TDRKH: variants seen among roughly 807,000 people sequenced by gnomAD.
TDRKH encodes tudor and KH domain-containing protein.
In TDRKH, 28 loss-of-function variants were observed where a neutral mutation model predicts 61.3. The observed-to-expected ratio is 0.46, with a 90% CI of 0.34 to 0.63. TDRKH has a LOEUF of 0.63. Among genes scored for constraint, TDRKH ranks in the 20% least tolerant of loss-of-function variants. TDRKH has a pLI of 0.01. For synonymous variants in TDRKH, 219 were observed against 244.4 expected (o/e 0.90, Z 0.97); for missense variants, 540 against 683.4 (o/e 0.79, Z 2.34).
downstream of TDRKH, chr1:151,766,824 T>G: frequency 1.2e-6 from 2 of 1,610,448 alleles, no homozygotes; most frequent in South Asian, 2.2e-5. Context: ...ATACGCCTAT[T>G]ACCTTTACTG....
At chr1:151,767,392 CAG>C (rs569095315), downstream of TDRKH, 1,526 of 1,539,862 alleles carry the variant, frequency 9.9e-4, 20 homozygotes, top group African/African-American at 0.015. Context: ...AGATGAATTA[CAG>C]AGGTAGATGG....
chr1:151,780,952 A>G (rs116798874), intron 3 of TDRKH, among the ~76,000 whole-genome samples: 4,158 of 152,032 alleles, frequency 0.027, 88 homozygotes, highest in Non-Finnish European at 0.041. Context: ...AGGGAGAAGT[A>G]CTCTTCTCTA....
At chr1:151,772,023 C>T, downstream of TDRKH, 1 of 398,578 alleles carries the variant, frequency 2.5e-6, no homozygotes. Flanking sequence ...CTTAAAGATT[C>T]CTCCAAGAGT....
chr1:151,772,675 C>A (rs1454791548), downstream of TDRKH, among the ~76,000 whole-genome samples: 1 of 152,154 alleles, frequency 6.6e-6, no homozygotes, highest in African/African-American at 2.4e-5. Context: ...ACAGTACTGT[C>A]AGAAAGATGC....
intron 6 of TDRKH, among the ~76,000 whole-genome samples, chr1:151,777,630 T>C (rs554185375): frequency 7.9e-5 from 12 of 152,224 alleles, no homozygotes; most frequent in African/African-American, 2.6e-4. Flanking sequence ...TCTGTGATGA[T>C]AGACATAAGT....
chr1:151,770,250 C>T (rs148149745), downstream of TDRKH: 61 of 1,613,294 alleles, frequency 3.8e-5, no homozygotes, highest in Admixed American at 1.8e-4. Flanking sequence ...ATGATCGGAA[C>T]GACAGAGGTG....
At chr1:151,785,581 A>G (rs1427648877) in intron 1 of TDRKH, among the ~76,000 whole-genome samples, 1 of 152,220 alleles carries the variant, frequency 6.6e-6, no homozygotes. Flanking sequence ...TTACAGTCAT[A>G]TAACCCTGTA....
rs1004044090 is a variant in TDRKH at position 151,775,629 on chromosome 1, A to G, written c.1283-86T>C. ...TTGGAACTACCCTTTTCTACTCAGGAAGGCACCTGTGTCTTCTCTGGTTGG... is the reference window on the plus strand; with the variant it reads ...TTGGAACTACCCTTTTCTACTCAGGGAGGCACCTGTGTCTTCTCTGGTTGG... On this transcript the variant is annotated intron_variant, in intron 9 of 12. Transcript: ENST00000368824. 12 of 1,534,690 alleles carry G rather than the reference A, an allele frequency of 7.8e-6. No homozygotes were observed. In the Admixed American group the frequency reaches 2.4e-4, roughly 31 times the overall value.
At chr1:151,776,662 AAC>A in intron 6 of TDRKH, 63 bp from the exon 7 acceptor site, 1 of 1,581,128 alleles carries the variant, frequency 6.3e-7, no homozygotes, top group African/African-American at 1.3e-5. Context: ...TGAAGAGACT[AAC>A]CAGGGTAGTG....
chr1:151,771,331 T>G, downstream of TDRKH: 10 of 1,516,972 alleles, frequency 6.6e-6, no homozygotes, highest in Non-Finnish European at 8.8e-6. Context: ...AGTGCAATCA[T>G]CAAGTGTTCA....
rs1302214458 is a variant in TDRKH, at chr1:151,780,083, G to A, written c.289C>T (p.Arg97Ter). ...GGAAAACCACTGATAAGCAGCACTC[G>A]CTCATCGCCTACATCCTCTGTGTCC... is the stretch of plus-strand genomic sequence containing the variant. Reference protein sequence around the residue: ...DVDTEDVGDERVLLISGFPVQ... With the variant: ...DVDTEDVGDE The change falls in exon 4 of 13, where the codon CGA (arginine) becomes TGA (stop). Residue 97 changes from arginine to a stop codon, truncating the protein, a stop_gained. Coordinates refer to ENST00000368824, the MANE Select transcript of TDRKH (RefSeq NM_001083965.2). LOFTEE classifies it high-confidence loss of function. 3.1e-6 allele frequency: 5 copies of A among 1,614,016 alleles called. No homozygotes were observed. Among genetic ancestry groups the A allele is most frequent in the East Asian group, 2.2e-5 (1 of 44,894 alleles).
At position 151,774,364 on chromosome 1, in the gene TDRKH, C is replaced by T. The variant is rs1290667590; in HGVS notation, c.*88G>A. On this transcript the variant is annotated 3_prime_UTR_variant, in exon 13 of 13. Coordinates refer to ENST00000368824, the MANE Select transcript of TDRKH (RefSeq NM_001083965.2). ...GGAATCAAAGCAAGTGCCCCACTGT[C>T]GCCCTCATTACTTTCCTGTTGCTAC... 1.1e-5 allele frequency: 15 copies of T among 1,405,200 alleles called. No individual in the cohort carries two copies. Among genetic ancestry groups the T allele is most frequent in the Admixed American group, 1.9e-5 (1 of 53,704 alleles). The allele number at this position is 1,405,200 out of a possible 1,614,324, so 87.0% of individuals were successfully genotyped here. A position where few individuals can be genotyped will look rare whatever the true frequency, so the allele number is the denominator to read the frequency against.
At position 151,775,949 on chromosome 1, in the gene TDRKH, C is replaced by A. The variant is rs3923394; in HGVS notation, c.1218-65G>T. The A allele has an allele frequency of 0.63, 1,007,230 of 1,588,500 alleles. 325,619 individuals carry two copies. Among genetic ancestry groups the A allele is most frequent in the Non-Finnish European group, 0.67 (777,804 of 1,159,628 alleles). Reference sequence around the variant, plus strand: ...AAACATCTTCTTACATTGCTGCTTTCAGAAAGAACCAACTAACATGAGACG... The same window carrying A: ...AAACATCTTCTTACATTGCTGCTTTAAGAAAGAACCAACTAACATGAGACG... On this transcript the variant is annotated intron_variant, in intron 8 of 12. Transcript: ENST00000368824.
chr1:151,771,052 A>G (rs765638630), downstream of TDRKH: 1 of 1,548,584 alleles, frequency 6.5e-7, no homozygotes, highest in Admixed American at 2.1e-5. Flanking sequence ...AGCATGTTCT[A>G]ATCATTTGTT....
chr1:151,779,828 A>G (rs1482890539), intron 4 of TDRKH, 123 bp downstream of exon 4: 3 of 1,001,594 alleles, frequency 3.0e-6, no homozygotes, highest in Admixed American at 2.7e-5. Context: ...TCTGGTCTCA[A>G]TGTCCCTTTT....
Position 151,780,166 on chromosome 1 carries a change from T to C in TDRKH, c.232-26A>G, listed in dbSNP as rs372960367. 3.1e-6 allele frequency: 5 copies of C among 1,600,192 alleles called. No homozygotes were observed. In the African/African-American group the frequency reaches 6.7e-5, roughly 21 times the overall value. On this transcript the variant is annotated intron_variant, in intron 3 of 12. Coordinates refer to ENST00000368824, the MANE Select transcript of TDRKH (RefSeq NM_001083965.2). ...CTGCAAAGAAAAGGACATTTGGCAG[T>C]ACATTCTGGAAGAGCTCCCATTTGA... is the stretch of plus-strand genomic sequence containing the variant.
chr1:151,781,742 TG>T lies in TDRKH; in HGVS notation c.125-156del, dbSNP rs1470765815. On this transcript the variant is annotated intron_variant, in intron 2 of 12. Transcript: ENST00000368824. The stretch of plus-strand genomic sequence containing the variant: ...ACAACAAGGAAAAGTGGCATCTGAA[TG>T]GGAATTAGAAGGTCCCAAAGGATCA... 5.3e-5 allele frequency among the ~76,000 whole-genome samples: 8 copies of T among 152,292 alleles called. 1 individual carries two copies. In the South Asian group the frequency reaches 1.7e-3, roughly 32 times the overall value.
Position 151,779,678 on chromosome 1 carries a change from G to A in TDRKH, c.421+273C>T, listed in dbSNP as rs550508800. 8 of 395,920 alleles carry A rather than the reference G, an allele frequency of 2.0e-5. No individual in the cohort carries two copies. The South Asian group carries it at 4.8e-4, about 24-fold the overall frequency. 24.5% of individuals were successfully genotyped at this position (395,920 alleles called of 1,614,324 possible). A position where few individuals can be genotyped will look rare whatever the true frequency, so the allele number is the denominator to read the frequency against. ...ACTTGAGATAACATGAGCATCCCAA[G>A]CTTCCCTTTAAAAATCAATTATAAG... On this transcript the variant is annotated intron_variant, in intron 4 of 12. Coordinates refer to ENST00000368824, the MANE Select transcript of TDRKH (RefSeq NM_001083965.2).
intron 10 of TDRKH, 80 bp from the exon 11 acceptor site, chr1:151,775,246 T>C: frequency 1.3e-6 from 2 of 1,563,516 alleles, no homozygotes; most frequent in South Asian, 1.1e-5. Flanking sequence ...GAAGGACTGA[T>C]ACTTTAAAGA....
Sources: allele counts gnomAD v4.1 joint callset (sites outside exome capture counted in the v4.1 genomes callset), GRCh38; gene constraint gnomAD v4.1.1; transcripts MANE v1.5; gene names NCBI Gene and HGNC (gene_info 2026-07-23, HGNC 2026-07-21).